USP40: variants seen among roughly 807,000 people sequenced by gnomAD.
USP40 encodes the protein ubiquitin specific peptidase 40.
USP40 carries 143 observed loss-of-function variants against 166.2 expected under a neutral mutation model. That is an observed-to-expected ratio of 0.86 (90% confidence interval 0.75 to 0.99). USP40 has a LOEUF of 0.99. USP40 is among the 50% of genes least tolerant of loss of function. The pLI is 0.00. For synonymous variants in USP40, 498 were observed against 524.0 expected, an observed-to-expected ratio of 0.95 and a Z score of 0.68; for missense variants, 1,444 against 1,479.7, an observed-to-expected ratio of 0.98 and a Z score of 0.40.
chr2:233,491,311 G>A (rs1465877335), intron 25 of USP40, 50 bp from the exon 26 acceptor site: 4 of 1,335,626 alleles, frequency 3.0e-6, no homozygotes, highest in African/African-American at 2.9e-5. Flanking sequence ...AACTTATTTT[G>A]TGTTTCTGAA....
At chr2:233,499,969 T>C (rs945901416) in intron 21 of USP40, 54 bp from the exon 22 acceptor site, 2 of 1,537,014 alleles carry the variant, frequency 1.3e-6, no homozygotes, top group African/African-American at 2.7e-5. Flanking sequence ...GTTACAGTTC[T>C]AGGACAAACA....
At position 233,542,231 on chromosome 2, in the gene USP40, T is replaced by C. The variant is rs753562879; in HGVS notation, c.1062+37A>G. ...CACATGCACACATACACACAATACA[T>C]ACCATACATACAAATACATACACAC... On this transcript the variant is annotated intron_variant, in intron 9 of 31. Coordinates refer to ENST00000678225, the MANE Select transcript of USP40 (RefSeq NM_001365479.2). The C allele has an allele frequency of 5.6e-6, 7 of 1,251,518 alleles. No homozygotes were observed. The East Asian group carries it at 1.5e-4, about 27-fold the overall frequency. The allele number at this position is 1,251,518 out of a possible 1,614,324, so 77.5% of individuals were successfully genotyped here.
At position 233,486,321 on chromosome 2, in the gene USP40, C is replaced by CCCT. The variant is rs2064945277; in HGVS notation, c.3198-345_3198-344insAGG. Among the ~76,000 whole-genome samples the CCCT allele has an allele frequency of 6.6e-6, 1 of 152,142 alleles. No individual in the cohort carries two copies. The highest frequency in any genetic ancestry group is 2.4e-5 in the African/African-American group (1 of 41,430). On this transcript the variant is annotated intron_variant, in intron 28 of 31. Transcript: ENST00000678225. This position sits in a 1 kb window ranked among gnomAD's most constrained non-coding sequence, Gnocchi z 4.0. ...GGGTGAGAGAGGCCTGGCTTGATAG[C>CCCT]CCGGCAGCTGGCAGGAGGAGAGCGG...
At chr2:233,537,038 C>T (rs573767645) in intron 10 of USP40, among the ~76,000 whole-genome samples, 10 of 152,106 alleles carry the variant, frequency 6.6e-5, no homozygotes, top group African/African-American at 2.2e-4. Context: ...TGCGCACCAC[C>T]GCATCCAGCT....
intron 21 of USP40, among the ~76,000 whole-genome samples, chr2:233,508,724 G>C (rs2066599219): frequency 6.6e-6 from 1 of 152,036 alleles, no homozygotes. Context: ...TATCTGCTTA[G>C]CTACCCTGGG....
intron 31 of USP40, among the ~76,000 whole-genome samples, chr2:233,478,248 G>A (rs1189012570): frequency 6.6e-6 from 1 of 152,238 alleles, no homozygotes; most frequent in East Asian, 1.9e-4. Flanking sequence ...GATGCAGCAG[G>A]AGGTACTGTC....
chr2:233,484,370 A>C (rs555058106), intron 30 of USP40, among the ~76,000 whole-genome samples: 1 of 152,292 alleles, frequency 6.6e-6, no homozygotes, highest in South Asian at 2.1e-4. Flanking sequence ...TAACACTGCT[A>C]AGTATGTTTT....
At position 233,542,299 on chromosome 2, in the gene USP40, G is replaced by A. The variant is rs1244044403; in HGVS notation, c.1031C>T (p.Pro344Leu). The change falls in exon 9 of 32, where the codon CCA becomes CTA. Residue 344 changes from proline (P) to leucine (L), a missense_variant. Coordinates refer to ENST00000678225, the MANE Select transcript of USP40 (RefSeq NM_001365479.2). Reference sequence around the variant, plus strand: ...TAAGATTGCTTTTAGAATCATCAGTGGATGATCAATCTCTTCTTCACTCTG... The same window carrying A: ...TAAGATTGCTTTTAGAATCATCAGTAGATGATCAATCTCTTCTTCACTCTG... ...DLQSEEEIDH[P>L]LMILKAILLE... 3 of 1,557,380 alleles carry A rather than the reference G, an allele frequency of 1.9e-6. No individual in the cohort carries two copies. The highest frequency in any genetic ancestry group is 2.6e-6 in the Non-Finnish European group (3 of 1,151,372).
At chr2:233,559,185 T>C (rs911442427) in intron 4 of USP40, among the ~76,000 whole-genome samples, 2 of 152,208 alleles carry the variant, frequency 1.3e-5, no homozygotes, top group African/African-American at 4.8e-5. Flanking sequence ...GTGTGTAGTG[T>C]TCGTATACAG....
rs1160121508 is a variant in USP40 at position 233,494,967 on chromosome 2, TATATATATATATACAC to T, written c.2791-1432_2791-1417del. Among the ~76,000 whole-genome samples, 84 of 67,786 alleles carry T rather than the reference TATATATATATATACAC, an allele frequency of 1.2e-3. 3 individuals are homozygous for T. The highest frequency in any genetic ancestry group is 6.3e-3 in the African/African-American group (78 of 12,296). The allele number at this position is 67,786 out of a possible 152,430, so 44.5% of individuals were successfully genotyped here. A position where few individuals can be genotyped will look rare whatever the true frequency, so the allele number is the denominator to read the frequency against. ...ATATATATATATATTTATATATATA[TATATATATATATACAC>T]ACACATAAAAAATAAATAAATAAAT... On this transcript the variant is annotated intron_variant, in intron 24 of 31. Coordinates refer to ENST00000678225, the MANE Select transcript of USP40 (RefSeq NM_001365479.2).
intron 10 of USP40, among the ~76,000 whole-genome samples, chr2:233,535,562 G>A (rs1283140119): frequency 6.6e-6 from 1 of 152,082 alleles, no homozygotes; most frequent in Non-Finnish European, 1.5e-5. Context: ...CTATTCCCTG[G>A]AACTAAAGCC....
In USP40 at chr2:233,525,424, G is replaced by A. The variant is rs73996105; in HGVS notation, c.1810+54C>T. The A allele has an allele frequency of 6.3e-3, 8,925 of 1,407,108 alleles. 422 individuals are homozygous for A. The African/African-American group carries it at 0.11, about 17-fold the overall frequency. The allele number at this position is 1,407,108 out of a possible 1,614,324, so 87.2% of individuals were successfully genotyped here. On this transcript the variant is annotated intron_variant, in intron 14 of 31. Coordinates refer to ENST00000678225, the MANE Select transcript of USP40 (RefSeq NM_001365479.2). ...AAGAGTAGAAAATCGCAGGTGAGCCGGACAAAAATGTAGATATATAGAGTG... is the reference window on the plus strand; with the variant it reads ...AAGAGTAGAAAATCGCAGGTGAGCCAGACAAAAATGTAGATATATAGAGTG...
chr2:233,490,775 T>C (rs925782672), intron 26 of USP40, among the ~76,000 whole-genome samples: 3 of 152,196 alleles, frequency 2.0e-5, no homozygotes, highest in Non-Finnish European at 4.4e-5. Flanking sequence ...CCTGGAAAAC[T>C]GGTAACACAG....
At chr2:233,557,070 A>C in intron 4 of USP40, 51 bp from the exon 5 acceptor site, 2 of 1,494,386 alleles carry the variant, frequency 1.3e-6, no homozygotes, top group Non-Finnish European at 1.8e-6. Context: ...GATTTTTTAA[A>C]ACATTAAAAA....
intron 18 of USP40, among the ~76,000 whole-genome samples, chr2:233,514,078 G>C (rs973271789): frequency 6.6e-6 from 1 of 152,184 alleles, no homozygotes; most frequent in Non-Finnish European, 1.5e-5. Context: ...TTAAAATACT[G>C]TCTCTTTAAA....
rs202066075 is a variant in USP40, at chr2:233,533,590, C to T, written c.1360G>A (p.Asp454Asn). The change falls in exon 11 of 32, where the codon GAT becomes AAT. Residue 454 changes from aspartate to asparagine, a missense_variant. Transcript: ENST00000678225. Reference protein sequence around the residue: ...ISCPHWFDINDSKVQPIREKD... With the variant: ...ISCPHWFDINNSKVQPIREKD... ...TCCCTGATTGGCTGGACTTTAGAATCATTTATATCAAACCAGTGGGGACAG... is the reference window on the plus strand; with the variant it reads ...TCCCTGATTGGCTGGACTTTAGAATTATTTATATCAAACCAGTGGGGACAG... 1 of 1,613,812 alleles carries T rather than the reference C, an allele frequency of 6.2e-7. No homozygotes were observed. The highest frequency in any genetic ancestry group is 8.5e-7 in the Non-Finnish European group (1 of 1,179,814).
intron 18 of USP40, chr2:233,519,322 T>G (rs2067486142): frequency 6.8e-6 from 2 of 292,296 alleles, no homozygotes; most frequent in South Asian, 8.1e-5. Flanking sequence ...ATACATTCAG[T>G]ATAGTACAAC....
At chr2:233,496,691 T>C in intron 24 of USP40, 67 bp downstream of exon 24, 1 of 1,364,044 alleles carries the variant, frequency 7.3e-7, no homozygotes, top group Non-Finnish European at 1.0e-6. Context: ...TAAATGAGGC[T>C]GTATCATCTC....
At chr2:233,544,764 A>G (rs982818568) in intron 8 of USP40, among the ~76,000 whole-genome samples, 11 of 152,180 alleles carry the variant, frequency 7.2e-5, no homozygotes, top group African/African-American at 2.7e-4. Flanking sequence ...CCTTCAATAT[A>G]ACCACGACCT....
Sources: gnomAD v4.1 joint callset for allele counts (sites outside exome capture counted in the v4.1 genomes callset) on GRCh38, gnomAD v4.1.1 for gene constraint, Gnocchi (gnomAD v3.1) non-coding constraint, MANE v1.5 for transcripts, NCBI Gene and HGNC (gene_info 2026-07-23, HGNC 2026-07-21) for gene names.